PKD2L2: variants seen among roughly 807,000 people sequenced by gnomAD.
PKD2L2 encodes polycystin 2 like 2, transient receptor potential cation channel, also known as polycystin-2-like protein 2.
PKD2L2 carries 67 observed loss-of-function variants against 83.9 expected under a neutral mutation model. That is an observed-to-expected ratio of 0.80 (90% CI 0.66 to 0.98). The LOEUF (loss-of-function observed/expected upper bound fraction) is 0.98, where lower values mean the gene tolerates loss of function less well. PKD2L2 is among the 50% of genes least tolerant of loss of function. PKD2L2 has a pLI of 0.00. For synonymous variants in PKD2L2, 223 were observed against 237.8 expected (o/e 0.94, Z 0.57); for missense variants, 632 against 717.2 (o/e 0.88, Z 1.36).
At chr5:137,942,131 A>G in intron 14 of PKD2L2, 1 of 1,145,304 alleles carries the variant, frequency 8.7e-7, no homozygotes, top group African/African-American at 1.5e-5. Flanking sequence ...GCAAATTAAA[A>G]GTGGCTGGGG....
intron 10 of PKD2L2, among the ~76,000 whole-genome samples, chr5:137,924,712 T>C (rs894003785): frequency 1.7e-4 from 26 of 152,254 alleles, no homozygotes; most frequent in African/African-American, 5.5e-4. Context: ...TCCCCATCTT[T>C]TATCACTTGA....
At chr5:137,910,418 G>A (rs1369782625) in intron 8 of PKD2L2, among the ~76,000 whole-genome samples, 6 of 151,886 alleles carry the variant, frequency 4.0e-5, no homozygotes, top group Admixed American at 1.3e-4. Flanking sequence ...ATGAGAGGAC[G>A]TCTGTTTTTG....
In PKD2L2 at chr5:137,890,172, A is replaced by G. The variant is rs538817449; in HGVS notation, c.32-309A>G. 1.4e-4 allele frequency: 29 copies of G among 205,746 alleles called. 1 individual carries two copies. The South Asian group carries it at 2.9e-3, about 21-fold the overall frequency. 12.7% of individuals were successfully genotyped at this position (205,746 alleles called of 1,614,324 possible). On this transcript the variant is annotated intron_variant, in intron 1 of 14. Coordinates refer to ENST00000508883, the MANE Select transcript of PKD2L2 (RefSeq NM_001300921.2). ...GTGGCGCGCGCCTGTAGTCCCAGCT[A>G]CTCGGGAGGCTGAGGCAGGAGAATC...
intron 8 of PKD2L2, among the ~76,000 whole-genome samples, chr5:137,913,188 T>TTC (rs1758005215): frequency 7.0e-6 from 1 of 142,218 alleles, no homozygotes; most frequent in African/African-American, 2.7e-5. Flanking sequence ...TTTTTTCTTT[T>TTC]TTTTTTTTTT....
chr5:137,908,344 T>C (rs1233517920), intron 7 of PKD2L2, among the ~76,000 whole-genome samples: 2 of 151,934 alleles, frequency 1.3e-5, no homozygotes, highest in Admixed American at 1.3e-4. Context: ...TCCCAGCATT[T>C]TGGGAGGCTG....
chr5:137,917,163 T>C (rs1437680017), intron 8 of PKD2L2, among the ~76,000 whole-genome samples: 1 of 9,724 alleles, frequency 1.0e-4, no homozygotes, highest in Non-Finnish European at 2.9e-4. Context: ...TTCACTTTTC[T>C]TTTTTTTTTT....
intron 13 of PKD2L2, 50 bp from the exon 14 acceptor site, chr5:137,936,270 C>A (rs749544055): frequency 6.8e-7 from 1 of 1,476,680 alleles, no homozygotes; most frequent in Non-Finnish European, 9.1e-7. Flanking sequence ...GCTGTCTATA[C>A]ATGAAAGTTT....
At chr5:137,919,795 T>C (rs1044579854) in intron 8 of PKD2L2, among the ~76,000 whole-genome samples, 1 of 152,222 alleles carries the variant, frequency 6.6e-6, no homozygotes, top group Non-Finnish European at 1.5e-5. Flanking sequence ...CCCATTTCTT[T>C]GAATGCTTTT....
At chr5:137,942,027 T>C in intron 14 of PKD2L2, 1 of 1,613,942 alleles carries the variant, frequency 6.2e-7, no homozygotes, top group Non-Finnish European at 8.5e-7. Flanking sequence ...CTTTCCAAAG[T>C]TGTTCCAATA....
chr5:137,928,661 G>A (rs909301028), intron 12 of PKD2L2, among the ~76,000 whole-genome samples: 10 of 152,150 alleles, frequency 6.6e-5, no homozygotes, highest in African/African-American at 2.2e-4. Flanking sequence ...CGAGCTTCCG[G>A]GCTCAAGTGA....
intron 14 of PKD2L2, among the ~76,000 whole-genome samples, chr5:137,937,396 G>A (rs1354885158): frequency 1.3e-5 from 2 of 152,222 alleles, no homozygotes; most frequent in Non-Finnish European, 2.9e-5. Flanking sequence ...GTTATGTTTG[G>A]AAAGTGTAAA....
intron 5 of PKD2L2, among the ~76,000 whole-genome samples, chr5:137,901,191 G>A (rs1267432891): frequency 6.6e-6 from 1 of 151,912 alleles, no homozygotes; most frequent in Non-Finnish European, 1.5e-5. Context: ...ACTGGTAAAA[G>A]GAAAGTGAAG....
At chr5:137,895,575 C>G (rs1756382794) in intron 4 of PKD2L2, among the ~76,000 whole-genome samples, 1 of 151,602 alleles carries the variant, frequency 6.6e-6, no homozygotes, top group Admixed American at 6.6e-5. Flanking sequence ...GTGCAGTGCA[C>G]ACTTTGTGCT....
intron 12 of PKD2L2, among the ~76,000 whole-genome samples, chr5:137,929,554 A>AAAAAAAAAAAAAC (rs1759684115): frequency 6.7e-6 from 1 of 148,648 alleles, no homozygotes; most frequent in Non-Finnish European, 1.5e-5. Context: ...AAAAAAAAAA[A>AAAAAAAAAAAAAC]AAAAACAGAC....
At chr5:137,938,943 A>T (rs1320718033) in intron 14 of PKD2L2, 1 of 152,246 alleles carries the variant, frequency 6.6e-6, no homozygotes, top group African/African-American at 2.4e-5. Flanking sequence ...GTTAACACTT[A>T]GATTAAGCCT....
At chr5:137,914,597 C>T (rs1204835625) in intron 8 of PKD2L2, among the ~76,000 whole-genome samples, 2 of 152,124 alleles carry the variant, frequency 1.3e-5, no homozygotes, top group African/African-American at 4.8e-5. Flanking sequence ...TTACTGCTTC[C>T]TTTCCAGTGT....
chr5:137,903,483 T>C (rs776758158), intron 5 of PKD2L2, among the ~76,000 whole-genome samples: 1 of 152,192 alleles, frequency 6.6e-6, no homozygotes, highest in Non-Finnish European at 1.5e-5. Flanking sequence ...ATTTAAATTG[T>C]TCATTCTTGA....
intron 12 of PKD2L2, among the ~76,000 whole-genome samples, chr5:137,932,842 G>A (rs73790090): frequency 0.012 from 1,829 of 152,168 alleles, 35 homozygotes; most frequent in African/African-American, 0.042. Context: ...TTTCCTTTGA[G>A]AGTCATCGAG....
At chr5:137,912,163 CAT>C (rs751099881) in intron 8 of PKD2L2, among the ~76,000 whole-genome samples, 36 of 152,250 alleles carry the variant, frequency 2.4e-4, no homozygotes, top group Non-Finnish European at 3.2e-4. Context: ...CCTTTAGATA[CAT>C]ATACCAAGAA....
Sources: gnomAD v4.1 joint callset for allele counts (sites outside exome capture counted in the v4.1 genomes callset) on GRCh38, gnomAD v4.1.1 for gene constraint, MANE v1.5 for transcripts, NCBI Gene and HGNC (gene_info 2026-07-23, HGNC 2026-07-21) for gene names.